Variants in GRXCR1 observed in about 807,000 individuals in gnomAD.
GRXCR1 encodes glutaredoxin and cysteine rich domain containing 1.
Under a neutral mutation model 27.3 loss-of-function variants are expected in GRXCR1, and 27 were observed. The observed-to-expected ratio is 0.99, with a 90% CI of 0.73 to 1.37. The LOEUF is 1.37. Ranked by LOEUF, GRXCR1 falls within the 40% of genes most tolerant of loss-of-function variation. GRXCR1 has a pLI of 0.00. For missense variants in GRXCR1, 379 were observed against 354.4 expected, an observed-to-expected ratio of 1.07 and a Z score of -0.56; for synonymous variants, 122 against 131.1, an observed-to-expected ratio of 0.93 and a Z score of 0.47.
Position 42,941,798 on chromosome 4 carries a change from G to A in GRXCR1, c.385-21094G>A, listed in dbSNP as rs181120445. ...ACATTGATCAGTCATCTTATGATAC[G>A]TATCAATGAGTGTGTAAATTCTAGA... is the stretch of plus-strand genomic sequence containing the variant. On this transcript the variant is annotated intron_variant, in intron 1 of 3. Coordinates refer to ENST00000399770, the MANE Select transcript of GRXCR1 (RefSeq NM_001080476.3). Among the ~76,000 whole-genome samples the A allele has an allele frequency of 5.3e-5, 8 of 152,066 alleles. No homozygotes were observed. In the East Asian group the frequency reaches 9.7e-4, roughly 18 times the overall value.
chr4:42,904,816 ATTCT>A (rs1049933049), intron 1 of GRXCR1, among the ~76,000 whole-genome samples: 74 of 152,284 alleles, frequency 4.9e-4, no homozygotes, highest in African/African-American at 1.7e-3. Flanking sequence ...AGAGAATCTA[ATTCT>A]TTCTTATGAG....
At chr4:42,983,713 TC>T (rs1415806174) in intron 2 of GRXCR1, among the ~76,000 whole-genome samples, 1 of 152,178 alleles carries the variant, frequency 6.6e-6, no homozygotes, top group Non-Finnish European at 1.5e-5. Flanking sequence ...CTCAAATATT[TC>T]CTATTTTAAT....
At chr4:42,914,293 C>T (rs1746835906) in intron 1 of GRXCR1, among the ~76,000 whole-genome samples, 1 of 152,246 alleles carries the variant, frequency 6.6e-6, no homozygotes, top group African/African-American at 2.4e-5. Flanking sequence ...CCTGCAAAGC[C>T]ACAGGGGTGG....
chr4:42,966,944 C>T lies in GRXCR1; in HGVS notation c.627+3810C>T, dbSNP rs184552875. On this transcript the variant is annotated intron_variant, in intron 2 of 3. Transcript: ENST00000399770. ...GTTCTTTGTATATTTTGGATGACAG[C>T]TCCTTACTAGATATGTCTTTTGCAG... is the stretch of plus-strand genomic sequence containing the variant. Among the ~76,000 whole-genome samples the T allele has an allele frequency of 2.6e-5, 4 of 152,136 alleles. No homozygotes were observed. In the East Asian group the frequency reaches 7.7e-4, roughly 29 times the overall value.
chr4:42,929,316 G>C (rs1227095652), intron 1 of GRXCR1, among the ~76,000 whole-genome samples: 1 of 152,000 alleles, frequency 6.6e-6, no homozygotes, highest in Non-Finnish European at 1.5e-5. Flanking sequence ...CAGGAGGTTT[G>C]CACAGTGGCC....
At chr4:42,966,609 A>C (rs1748242954) in intron 2 of GRXCR1, among the ~76,000 whole-genome samples, 2 of 152,088 alleles carry the variant, frequency 1.3e-5, no homozygotes, top group Non-Finnish European at 2.9e-5. Context: ...TGGGTGCCCA[A>C]GGAAGCTTCT....
At chr4:42,920,520 A>G (rs1300614194) in intron 1 of GRXCR1, among the ~76,000 whole-genome samples, 2 of 152,146 alleles carry the variant, frequency 1.3e-5, no homozygotes, top group African/African-American at 4.8e-5. Context: ...AAGCATGCCT[A>G]GAAGAGCTGG....
intron 2 of GRXCR1, among the ~76,000 whole-genome samples, chr4:42,996,641 GA>G (rs1444310370): frequency 6.6e-6 from 1 of 151,514 alleles, no homozygotes; most frequent in East Asian, 1.9e-4. Context: ...CATTTATTGT[GA>G]ATTTATACAG....
intron 1 of GRXCR1, among the ~76,000 whole-genome samples, chr4:42,922,964 C>T (rs1444921001): frequency 1.3e-5 from 2 of 152,096 alleles, no homozygotes; most frequent in Non-Finnish European, 2.9e-5. Context: ...CCAGCTCTCT[C>T]CACTTCTGTT....
chr4:42,962,261 G>T (rs1463262265), intron 1 of GRXCR1, among the ~76,000 whole-genome samples: 1 of 151,812 alleles, frequency 6.6e-6, no homozygotes, highest in Non-Finnish European at 1.5e-5. Context: ...ACTCACTTTG[G>T]TGTTGATTTC....
intron 2 of GRXCR1, among the ~76,000 whole-genome samples, chr4:42,981,480 C>T (rs73811493): frequency 1.1e-3 from 162 of 152,258 alleles, no homozygotes; most frequent in African/African-American, 3.8e-3. Flanking sequence ...ATGTACAAAC[C>T]ACCATTACGG....
chr4:42,940,157 G>A (rs9993796), intron 1 of GRXCR1, among the ~76,000 whole-genome samples: 1,938 of 152,074 alleles, frequency 0.013, 49 homozygotes, highest in African/African-American at 0.044. Context: ...AATTCCTGGA[G>A]GTAAAACCCT....
intron 2 of GRXCR1, among the ~76,000 whole-genome samples, chr4:42,976,962 A>C (rs1748539949): frequency 6.6e-6 from 1 of 151,942 alleles, no homozygotes; most frequent in Non-Finnish European, 1.5e-5. Flanking sequence ...ATATCTCTAC[A>C]ATTATCCATC....
chr4:42,991,683 T>G, intron 2 of GRXCR1, among the ~76,000 whole-genome samples: 1 of 152,186 alleles, frequency 6.6e-6, no homozygotes, highest in Non-Finnish European at 1.5e-5. Flanking sequence ...AGACTTTCTC[T>G]GTGTAATTGG....
At chr4:42,894,913 G>A (rs1158259045) in intron 1 of GRXCR1, among the ~76,000 whole-genome samples, 1 of 152,000 alleles carries the variant, frequency 6.6e-6, no homozygotes, top group Non-Finnish European at 1.5e-5. Context: ...AAGATTTTTT[G>A]CAACAATGAA....
chr4:43,018,344 C>T (rs1712996312), intron 2 of GRXCR1, among the ~76,000 whole-genome samples: 1 of 152,076 alleles, frequency 6.6e-6, no homozygotes, highest in Non-Finnish European at 1.5e-5. Context: ...CAGCTTTTTT[C>T]CAACCTTAAG....
At chr4:42,913,503 G>C (rs1042058401) in intron 1 of GRXCR1, among the ~76,000 whole-genome samples, 1 of 152,194 alleles carries the variant, frequency 6.6e-6, no homozygotes, top group Non-Finnish European at 1.5e-5. Flanking sequence ...AAATGATTTA[G>C]ATTTAGGTTA....
At chr4:42,895,284 T>A (rs994062479) in intron 1 of GRXCR1, among the ~76,000 whole-genome samples, 9 of 152,112 alleles carry the variant, frequency 5.9e-5, no homozygotes, top group African/African-American at 1.9e-4. Flanking sequence ...TAAAACTGCC[T>A]TTTTCTAATA....
At chr4:43,005,542 C>T (rs951379651) in intron 2 of GRXCR1, among the ~76,000 whole-genome samples, 1 of 152,158 alleles carries the variant, frequency 6.6e-6, no homozygotes, top group Non-Finnish European at 1.5e-5. Context: ...TATCATCCAA[C>T]TTTATGTTGC....
Sources: allele counts gnomAD v4.1 joint callset (sites outside exome capture counted in the v4.1 genomes callset), GRCh38; gene constraint gnomAD v4.1.1; transcripts MANE v1.5; gene names NCBI Gene and HGNC (gene_info 2026-07-23, HGNC 2026-07-21).